The following MYO6 variants were observed in gnomAD, a reference collection of about 807,000 sequenced individuals.
The protein encoded by MYO6 is unconventional myosin-VI.
Under a neutral mutation model 178.7 loss-of-function variants are expected in MYO6, and 74 were observed. That is an observed-to-expected ratio of 0.41 (90% CI 0.34 to 0.50). MYO6 has a LOEUF of 0.50. MYO6 is among the 20% of genes least tolerant of loss of function. The probability of loss-of-function intolerance (pLI) is 0.09; values close to 1 mark genes in which losing one functional copy is unlikely to be tolerated. For synonymous variants in MYO6, 477 were observed against 504.6 expected (o/e 0.95, Z 0.73); for missense variants, 1,330 against 1,547.4 (o/e 0.86, Z 2.36).
intron 1 of MYO6, among the ~76,000 whole-genome samples, chr6:75,790,819 G>T (rs1256087105): frequency 6.6e-6 from 1 of 152,060 alleles, no homozygotes; most frequent in Non-Finnish European, 1.5e-5. Context: ...TAAGTTTCTG[G>T]CATTTTCTTG....
At chr6:75,825,635 G>A (rs992288706) in intron 3 of MYO6, among the ~76,000 whole-genome samples, 1 of 152,072 alleles carries the variant, frequency 6.6e-6, no homozygotes, top group Non-Finnish European at 1.5e-5. Context: ...TCTAAAAGTT[G>A]CCTCAGTCTC....
intron 1 of MYO6, among the ~76,000 whole-genome samples, chr6:75,761,080 A>G (rs796138735): frequency 9.9e-5 from 15 of 152,282 alleles, no homozygotes; most frequent in African/African-American, 3.6e-4. Flanking sequence ...AGAAGAATGT[A>G]TTAGTTTCTC....
At chr6:75,784,640 G>A (rs914644136) in intron 1 of MYO6, among the ~76,000 whole-genome samples, 1 of 151,942 alleles carries the variant, frequency 6.6e-6, no homozygotes, top group Non-Finnish European at 1.5e-5. Context: ...AGCTGGGTGT[G>A]GTGGCGGGCG....
At chr6:75,784,497 G>A (rs758735465) in intron 1 of MYO6, among the ~76,000 whole-genome samples, 1 of 151,830 alleles carries the variant, frequency 6.6e-6, no homozygotes, top group African/African-American at 2.4e-5. Context: ...AAGTTTGCCC[G>A]GCGCGGTGGC....
chr6:75,835,527 G>A (rs564104357), intron 6 of MYO6, among the ~76,000 whole-genome samples: 1 of 152,104 alleles, frequency 6.6e-6, no homozygotes, highest in Admixed American at 6.5e-5. Context: ...GGCCTCCCAG[G>A]TTCAAGCGAT....
intron 3 of MYO6, among the ~76,000 whole-genome samples, chr6:75,826,783 C>G (rs1772510968): frequency 6.6e-6 from 1 of 152,078 alleles, no homozygotes; most frequent in African/African-American, 2.4e-5. Flanking sequence ...TTATTCTGCC[C>G]TAAGTGGCAC....
At chr6:75,892,935 ATT>A in intron 28 of MYO6, among the ~76,000 whole-genome samples, 1 of 152,336 alleles carries the variant, frequency 6.6e-6, no homozygotes, top group South Asian at 2.1e-4. Flanking sequence ...TGAGTACTCT[ATT>A]AAGAAAATAT....
intron 2 of MYO6, among the ~76,000 whole-genome samples, chr6:75,822,206 T>C (rs1417405366): frequency 2.6e-5 from 4 of 152,108 alleles, no homozygotes; most frequent in South Asian, 2.1e-4. Flanking sequence ...CAAGGGATTC[T>C]CCTGCCTCAG....
chr6:75,889,792 GATAAC>G, intron 25 of MYO6, among the ~76,000 whole-genome samples: 1 of 152,186 alleles, frequency 6.6e-6, no homozygotes, highest in Non-Finnish European at 1.5e-5. Context: ...TGTGTGCAGA[GATAAC>G]ATAAAACATT....
chr6:75,845,033 A>C, intron 10 of MYO6, 56 bp downstream of exon 10: 1 of 1,388,686 alleles, frequency 7.2e-7, no homozygotes, highest in East Asian at 2.3e-5. Context: ...TCATGCTGAA[A>C]GATGTGTTAT....
intron 9 of MYO6, among the ~76,000 whole-genome samples, chr6:75,843,186 T>G (rs1774409889): frequency 6.6e-6 from 1 of 152,188 alleles, no homozygotes; most frequent in African/African-American, 2.4e-5. Context: ...TGGTTATAAT[T>G]GAGAGATCAG....
chr6:75,870,569 C>A, intron 18 of MYO6, 78 bp from the exon 19 acceptor site: 1 of 1,107,182 alleles, frequency 9.0e-7, no homozygotes, highest in Non-Finnish European at 1.4e-6. Context: ...TATTCCAGTA[C>A]TGGAGAGCTA....
chr6:75,857,749 A>G (rs942232300), intron 13 of MYO6, among the ~76,000 whole-genome samples: 1 of 152,256 alleles, frequency 6.6e-6, no homozygotes, highest in Non-Finnish European at 1.5e-5. Flanking sequence ...CAAATTAATA[A>G]GATATCAAGG....
intron 1 of MYO6, among the ~76,000 whole-genome samples, chr6:75,807,194 T>G (rs1006763514): frequency 7.9e-5 from 12 of 152,240 alleles, no homozygotes; most frequent in African/African-American, 2.9e-4. Context: ...TTGAAGCCAT[T>G]GTGATTAATG....
chr6:75,835,612 A>G (rs1287714051), intron 6 of MYO6, among the ~76,000 whole-genome samples: 1 of 152,030 alleles, frequency 6.6e-6, no homozygotes, highest in African/African-American at 2.4e-5. Flanking sequence ...TTTGTATTTT[A>G]GTAGAGAAGG....
At chr6:75,856,870 C>CT (rs1775763001) in intron 12 of MYO6, among the ~76,000 whole-genome samples, 1 of 151,976 alleles carries the variant, frequency 6.6e-6, no homozygotes, top group Non-Finnish European at 1.5e-5. Context: ...TTTTTTAAGC[C>CT]TAATTTTTTT....
intron 11 of MYO6, among the ~76,000 whole-genome samples, chr6:75,853,732 T>C (rs1775489548): frequency 6.6e-6 from 1 of 152,204 alleles, no homozygotes; most frequent in Admixed American, 6.5e-5. Context: ...ACACATTCTT[T>C]GTAGTTTTTA....
intron 22 of MYO6, 54 bp downstream of exon 22, chr6:75,880,174 G>A (rs758864814): frequency 4.5e-5 from 58 of 1,284,532 alleles, no homozygotes; most frequent in Non-Finnish European, 6.1e-5. Flanking sequence ...AAATAGTTGG[G>A]GTTAGTGAAT....
intron 3 of MYO6, 48 bp from the exon 4 acceptor site, chr6:75,828,492 T>G (rs2150205625): frequency 8.9e-7 from 1 of 1,118,782 alleles, no homozygotes; most frequent in East Asian, 2.4e-5. Context: ...TGCTTTATTT[T>G]ATTTGTTTTC....
Sources: gnomAD v4.1 joint callset for allele counts (sites outside exome capture counted in the v4.1 genomes callset) on GRCh38, gnomAD v4.1.1 for gene constraint, MANE v1.5 for transcripts, NCBI Gene and HGNC (gene_info 2026-07-23, HGNC 2026-07-21) for gene names.